The following POLA1 variants were observed in gnomAD, a reference collection of about 807,000 sequenced individuals.
The protein encoded by POLA1 is DNA polymerase alpha 1, catalytic subunit.
POLA1 carries 15 observed loss-of-function variants against 124.0 expected under a neutral mutation model. The ratio of observed to expected loss-of-function variants is 0.12; its 90% CI spans 0.08 to 0.19. The LOEUF (loss-of-function observed/expected upper bound fraction) is 0.19. POLA1 is among the 10% of genes least tolerant of loss of function. The pLI is 1.00. For synonymous variants in POLA1, 408 were observed against 389.4 expected, an observed-to-expected ratio of 1.05 and a Z score of -0.56; for missense variants, 886 against 1,103.4, an observed-to-expected ratio of 0.80 and a Z score of 2.79.
At chrX:24,981,749 T>G (rs2048422648) in intron 36 of POLA1, among the ~76,000 whole-genome samples, 1 of 112,433 alleles carries the variant, frequency 8.9e-6, no homozygotes, top group Non-Finnish European at 1.9e-5. Context: ...TATCACATAT[T>G]TACTCATTAT....
Position 24,724,812 on chromosome X carries a change from G to A in POLA1, c.1317+361G>A, listed in dbSNP as rs934593899. ...CAAGATGTTTTGGTTAGAAAGTTAAGTAAGGTTTTATTTTTAAAAGTCAGG... is the reference window on the plus strand; with the variant it reads ...CAAGATGTTTTGGTTAGAAAGTTAAATAAGGTTTTATTTTTAAAAGTCAGG... On this transcript the variant is annotated intron_variant, in intron 12 of 36. Coordinates refer to ENST00000379068, the MANE Select transcript of POLA1 (RefSeq NM_001330360.2). Among the ~76,000 whole-genome samples, 6 of 112,023 alleles carry A rather than the reference G, an allele frequency of 5.4e-5. No homozygotes were observed. The Admixed American group carries it at 5.7e-4, about 11-fold the overall frequency.
At chrX:24,895,071 G>C (rs1441272021) in intron 35 of POLA1, among the ~76,000 whole-genome samples, 4 of 111,154 alleles carry the variant, frequency 3.6e-5, no homozygotes, top group Non-Finnish European at 7.5e-5. Flanking sequence ...ACTGTGCCCA[G>C]CCCCGCCCCT....
intron 34 of POLA1, among the ~76,000 whole-genome samples, chrX:24,856,929 C>T (rs1257648970): frequency 9.1e-6 from 1 of 109,993 alleles, no homozygotes; most frequent in African/African-American, 3.3e-5. Flanking sequence ...AATATGTTGT[C>T]CCAGTCTGTA....
chrX:24,839,226 T>C (rs1311443171), intron 32 of POLA1, among the ~76,000 whole-genome samples: 4 of 111,596 alleles, frequency 3.6e-5, no homozygotes, highest in Non-Finnish European at 7.5e-5. Flanking sequence ...CTTCTCCCTT[T>C]ATATTTTTAC....
At chrX:24,882,371 G>GTTA (rs747352174) in intron 34 of POLA1, among the ~76,000 whole-genome samples, 1 of 111,355 alleles carries the variant, frequency 9.0e-6, no homozygotes, top group East Asian at 2.8e-4. Context: ...GTGCAGGTTT[G>GTTA]TTACATGGGT....
intron 26 of POLA1, among the ~76,000 whole-genome samples, chrX:24,801,471 C>T (rs1196855542): frequency 9.0e-6 from 1 of 111,653 alleles, no homozygotes; most frequent in Non-Finnish European, 1.9e-5. Context: ...TGATCTCTGC[C>T]TATAATTTGC....
intron 26 of POLA1, among the ~76,000 whole-genome samples, chrX:24,754,314 A>G (rs1403948167): frequency 4.6e-5 from 5 of 108,654 alleles, no homozygotes; most frequent in Non-Finnish European, 7.6e-5. Context: ...CTGGAGTGCA[A>G]TGGCGTGATC....
intron 36 of POLA1, among the ~76,000 whole-genome samples, chrX:24,965,862 A>G (rs2048215416): frequency 9.0e-6 from 1 of 111,623 alleles, no homozygotes; most frequent in Non-Finnish European, 1.9e-5. Flanking sequence ...TAGTTTTCAA[A>G]GTTGTGGAAC....
rs1198284610 is a variant in POLA1, at chrX:24,933,470, A to G, written c.4261+2921A>G. On this transcript the variant is annotated intron_variant, in intron 36 of 36. Transcript: ENST00000379068. ...CAGAACACCAGTAGATGTTAACATC[A>G]AAAGTCCTGTGAAAAATGACAGTCG... is the stretch of plus-strand genomic sequence containing the variant. Among the ~76,000 whole-genome samples the G allele has an allele frequency of 8.0e-5, 9 of 111,994 alleles. No homozygotes were observed. The Admixed American group carries it at 8.5e-4, about 11-fold the overall frequency.
rs1267139776 is a variant in POLA1, at chrX:24,908,906, GACTT to G, written c.4164+20785_4164+20788del. ...TCCTCTCCAGCACCTGTTGTTTCCT[GACTT>G]TTTAATGATCGCCATTCTAACTGGT... On this transcript the variant is annotated intron_variant, in intron 35 of 36. Transcript: ENST00000379068. 8.9e-5 allele frequency among the ~76,000 whole-genome samples: 10 copies of G among 111,748 alleles called. No homozygotes were observed. In the East Asian group the frequency reaches 2.8e-3, roughly 32 times the overall value.
At chrX:24,736,820 G>A (rs1380651576) in intron 18 of POLA1, among the ~76,000 whole-genome samples, 1 of 110,812 alleles carries the variant, frequency 9.0e-6, no homozygotes, top group Admixed American at 9.5e-5. Context: ...CCCATTCCCC[G>A]GCCCCTGGCA....
intron 10 of POLA1, among the ~76,000 whole-genome samples, chrX:24,721,050 A>G (rs754048097): frequency 1.8e-5 from 2 of 112,901 alleles, no homozygotes; most frequent in South Asian, 7.3e-4. Flanking sequence ...TATATTTGCA[A>G]AGCAACCAGT....
At chrX:24,906,462 G>A in intron 35 of POLA1, among the ~76,000 whole-genome samples, 1 of 108,484 alleles carries the variant, frequency 9.2e-6, no homozygotes, top group East Asian at 2.9e-4. Context: ...CACTTATAAG[G>A]GGGAGCTAAG....
At chrX:24,973,013 TGTG>T (rs1456657635) in intron 36 of POLA1, among the ~76,000 whole-genome samples, 1 of 111,886 alleles carries the variant, frequency 8.9e-6, no homozygotes, top group East Asian at 2.8e-4. Flanking sequence ...CTGAGGAAGA[TGTG>T]GGTAAGGTAT....
Position 24,826,604 on chromosome X carries a change from A to G in POLA1, c.3736+3A>G, listed in dbSNP as rs1299760951. The G allele has an allele frequency of 1.7e-6, 2 of 1,165,552 alleles. No homozygotes were observed. The highest frequency in any genetic ancestry group is 2.3e-5 in the Admixed American group (1 of 44,357). ...TGTCCTCATTGCAACGTGGTTGGGT[A>G]AGTGTCCCAAGCTCACATAGAACCT... On this transcript the variant is annotated splice_donor_region_variant and intron_variant, in intron 32 of 36. Coordinates refer to ENST00000379068, the MANE Select transcript of POLA1 (RefSeq NM_001330360.2).
chrX:24,806,914 G>A (rs748480598), intron 26 of POLA1, among the ~76,000 whole-genome samples: 1 of 111,783 alleles, frequency 8.9e-6, no homozygotes, highest in Non-Finnish European at 1.9e-5. Flanking sequence ...GAATAAGGCA[G>A]CTCTTTATGT....
intron 15 of POLA1, among the ~76,000 whole-genome samples, chrX:24,731,183 A>G (rs1335114666): frequency 8.9e-6 from 1 of 111,906 alleles, no homozygotes; most frequent in East Asian, 2.8e-4. Context: ...AGACCTAACT[A>G]TGAATTTATA....
At chrX:24,841,102 A>C in intron 32 of POLA1, among the ~76,000 whole-genome samples, 1 of 112,095 alleles carries the variant, frequency 8.9e-6, no homozygotes, top group East Asian at 2.8e-4. Flanking sequence ...AATTTCGAAC[A>C]TCAAGAAAAC....
At chrX:24,900,408 C>T (rs2047261623) in intron 35 of POLA1, among the ~76,000 whole-genome samples, 1 of 112,267 alleles carries the variant, frequency 8.9e-6, no homozygotes, top group African/African-American at 3.2e-5. Flanking sequence ...CACTGGAAAG[C>T]CAGACCTGGT....
Sources: allele counts gnomAD v4.1 joint callset (sites outside exome capture counted in the v4.1 genomes callset), GRCh38; gene constraint gnomAD v4.1.1; transcripts MANE v1.5; gene names NCBI Gene and HGNC (gene_info 2026-07-23, HGNC 2026-07-21).